The following PTPRT variants were observed in gnomAD, a reference collection of about 807,000 sequenced individuals.
The protein encoded by PTPRT is receptor-type tyrosine-protein phosphatase T.
A neutral mutation model predicts 176.8 loss-of-function variants in PTPRT; 56 were observed. That is an observed-to-expected ratio of 0.32 (90% CI 0.26 to 0.40). The LOEUF is 0.40. Among genes scored for constraint, PTPRT ranks in the 10% least tolerant of loss-of-function variants. The pLI, the probability that PTPRT is intolerant of heterozygous loss-of-function variation, is 1.00. For missense variants in PTPRT, 1,540 were observed against 1,908.2 expected, an observed-to-expected ratio of 0.81 and a Z score of 3.60; for synonymous variants, 783 against 739.0, an observed-to-expected ratio of 1.06 and a Z score of -0.96.
intron 1 of PTPRT, among the ~76,000 whole-genome samples, chr20:43,110,457 C>G (rs938915640): frequency 1.6e-4 from 25 of 152,122 alleles, no homozygotes; most frequent in African/African-American, 5.8e-4. Flanking sequence ...CTAAATCTGG[C>G]TGATAGTTTT....
At chr20:42,705,099 G>C (rs568475338) in intron 6 of PTPRT, among the ~76,000 whole-genome samples, 59 of 152,214 alleles carry the variant, frequency 3.9e-4, no homozygotes, top group African/African-American at 1.4e-3. Flanking sequence ...CAGCTACTCA[G>C]GAGGCTGAGG....
intron 7 of PTPRT, among the ~76,000 whole-genome samples, chr20:42,675,138 C>A (rs566043500): frequency 6.6e-6 from 1 of 152,164 alleles, no homozygotes; most frequent in African/African-American, 2.4e-5. Context: ...AGCTTTCCTT[C>A]CACCACTTCA....
chr20:42,453,319 C>T (rs1173782291), intron 8 of PTPRT, among the ~76,000 whole-genome samples: 1 of 152,010 alleles, frequency 6.6e-6, no homozygotes, highest in African/African-American at 2.4e-5. Context: ...TGTATTAATG[C>T]TTCTTTTTAT....
At chr20:42,941,502 T>C (rs1158069924) in intron 1 of PTPRT, among the ~76,000 whole-genome samples, 1 of 152,206 alleles carries the variant, frequency 6.6e-6, no homozygotes, top group Non-Finnish European at 1.5e-5. Flanking sequence ...CAATGGGTCA[T>C]AAAGTCCTAC....
chr20:43,054,313 G>A (rs905062076), intron 1 of PTPRT, among the ~76,000 whole-genome samples: 8 of 152,128 alleles, frequency 5.3e-5, no homozygotes, highest in Non-Finnish European at 7.4e-5. Flanking sequence ...CAGCACTTTC[G>A]GAGGCTGAGG....
intron 9 of PTPRT, among the ~76,000 whole-genome samples, chr20:42,370,075 G>T (rs893749156): frequency 6.6e-6 from 1 of 152,010 alleles, no homozygotes; most frequent in Non-Finnish European, 1.5e-5. Flanking sequence ...TGTAACCCGT[G>T]TGTTATGAGC....
At chr20:42,216,624 T>C (rs1045796676) in intron 15 of PTPRT, among the ~76,000 whole-genome samples, 1 of 152,178 alleles carries the variant, frequency 6.6e-6, no homozygotes, top group African/African-American at 2.4e-5. Context: ...GTTTAGCACT[T>C]CCCACAATGT....
chr20:42,900,218 C>CA (rs1187404254), intron 1 of PTPRT, among the ~76,000 whole-genome samples: 1 of 152,198 alleles, frequency 6.6e-6, no homozygotes, highest in African/African-American at 2.4e-5. Context: ...TGGTTCATCT[C>CA]AAAGCCCAGC....
chr20:43,088,607 A>G (rs1219893785), intron 1 of PTPRT, among the ~76,000 whole-genome samples: 2 of 151,988 alleles, frequency 1.3e-5, no homozygotes, highest in Admixed American at 1.3e-4. Flanking sequence ...CTCTGACTCT[A>G]CTGCCCTAGA....
intron 18 of PTPRT, among the ~76,000 whole-genome samples, chr20:42,130,391 G>A (rs933487175): frequency 3.3e-5 from 5 of 152,136 alleles, no homozygotes; most frequent in Admixed American, 1.3e-4. Context: ...GGAGCTGGAG[G>A]CAAGGAGGTG....
intron 16 of PTPRT, among the ~76,000 whole-genome samples, chr20:42,192,064 A>G (rs1448929258): frequency 6.6e-6 from 1 of 152,146 alleles, no homozygotes; most frequent in Non-Finnish European, 1.5e-5. Context: ...CAAGATAATG[A>G]TTCCTAACTG....
intron 6 of PTPRT, among the ~76,000 whole-genome samples, chr20:42,700,900 G>A (rs2075964776): frequency 6.6e-6 from 1 of 152,190 alleles, no homozygotes; most frequent in Admixed American, 6.5e-5. Flanking sequence ...ACTAAGACAG[G>A]TGAGGGAGTA....
At chr20:42,933,520 T>C (rs2145976888) in intron 1 of PTPRT, among the ~76,000 whole-genome samples, 1 of 152,330 alleles carries the variant, frequency 6.6e-6, no homozygotes, top group South Asian at 2.1e-4. Context: ...AGTGAGTGTT[T>C]CCTGGTCTAT....
chr20:42,211,016 G>A (rs1023286633), intron 15 of PTPRT, among the ~76,000 whole-genome samples: 1 of 151,998 alleles, frequency 6.6e-6, no homozygotes, highest in African/African-American at 2.4e-5. Context: ...TCTGATCTTT[G>A]ACAAACCTGA....
chr20:42,979,136 A>G (rs1038836178), intron 1 of PTPRT, among the ~76,000 whole-genome samples: 6 of 152,250 alleles, frequency 3.9e-5, no homozygotes, highest in Admixed American at 3.9e-4. Context: ...TTAAATTTAT[A>G]TTTCAGCAAC....
intron 8 of PTPRT, among the ~76,000 whole-genome samples, chr20:42,470,348 C>T (rs2071171657): frequency 6.6e-6 from 1 of 152,190 alleles, no homozygotes; most frequent in Admixed American, 6.5e-5. Flanking sequence ...GAACAGTTCC[C>T]TGAAGGCTCA....
At chr20:42,614,266 T>C (rs767621661) in intron 7 of PTPRT, among the ~76,000 whole-genome samples, 11 of 152,116 alleles carry the variant, frequency 7.2e-5, no homozygotes, top group Admixed American at 6.5e-4. Flanking sequence ...CCTGTCACAA[T>C]GGATTTGAAC....
the PTPRT span, among the ~76,000 whole-genome samples, chr20:42,040,685 A>G: frequency 1.3e-5 from 2 of 152,202 alleles, no homozygotes; most frequent in Admixed American, 1.3e-4. Flanking sequence ...TGGAAGGAAA[A>G]CAGCCTAAAT....
rs75363129 is a variant in PTPRT, at chr20:42,178,997, T to C, written c.2492-17455A>G. ...AGGGACATCTCATCACTTTATCATA[T>C]CCTATTCATTGGAAGCCAGTCACTA... On this transcript the variant is annotated intron_variant, in intron 16 of 30. Transcript: ENST00000373187. 1.4e-3 allele frequency among the ~76,000 whole-genome samples: 210 copies of C among 152,254 alleles called. 8 individuals carry two copies. In the East Asian group the frequency reaches 0.039, roughly 28 times the overall value.
Sources: gnomAD v4.1 joint callset for allele counts (sites outside exome capture counted in the v4.1 genomes callset) on GRCh38, gnomAD v4.1.1 for gene constraint, MANE v1.5 for transcripts, NCBI Gene and HGNC (gene_info 2026-07-23, HGNC 2026-07-21) for gene names.